The following SPOP variants were observed in gnomAD, a reference collection of about 807,000 sequenced individuals.
SPOP encodes the protein speckle-type POZ protein.
SPOP carries 11 observed loss-of-function variants against 45.6 expected under a neutral mutation model. The ratio of observed to expected loss-of-function variants is 0.24; its 90% confidence interval spans 0.15 to 0.40. The LOEUF (loss-of-function observed/expected upper bound fraction) is 0.40, where lower values mean the gene tolerates loss of function less well. SPOP is among the 10% of genes least tolerant of loss of function. SPOP has a pLI of 1.00. For missense variants in SPOP, 152 were observed against 465.6 expected (o/e 0.33, Z 6.20); for synonymous variants, 166 against 166.3 (o/e 1.00, Z 0.01).
rs148390886 is a variant in SPOP at position 49,629,579 on chromosome 17, G to A, written c.-66-6703C>T. 8.0e-4 allele frequency among the ~76,000 whole-genome samples: 121 copies of A among 152,164 alleles called. 1 individual carries two copies. The highest frequency in any genetic ancestry group is 1.3e-3 in the Non-Finnish European group (89 of 68,010). Reference sequence around the variant, plus strand: ...AGTAACTTATCTGAACTAAACTCTTGCATAATCAGAATTCTTTCAAGATAG... The same window carrying A: ...AGTAACTTATCTGAACTAAACTCTTACATAATCAGAATTCTTTCAAGATAG... On this transcript the variant is annotated intron_variant, in intron 1 of 9. Transcript: ENST00000504102.
chr17:49,641,679 A>G (rs1157349204), intron 1 of SPOP, among the ~76,000 whole-genome samples: 1 of 152,166 alleles, frequency 6.6e-6, no homozygotes, highest in Non-Finnish European at 1.5e-5. Flanking sequence ...TTAATGAGTC[A>G]GAGTTAAGAC....
intron 1 of SPOP, among the ~76,000 whole-genome samples, chr17:49,667,297 A>AC (rs1051778977): frequency 7.9e-5 from 12 of 151,594 alleles, no homozygotes; most frequent in Non-Finnish European, 1.2e-4. Context: ...GAGCCTTAAA[A>AC]AAAAAAAAAA....
intron 1 of SPOP, among the ~76,000 whole-genome samples, chr17:49,665,692 A>ACACACACACACACACACAC: frequency 7.1e-6 from 1 of 141,838 alleles, no homozygotes; most frequent in Non-Finnish European, 1.5e-5. Context: ...ACACACACAC[A>ACACACACACACACACACAC]CACCAATCTG....
intron 5 of SPOP, 66 bp downstream of exon 5, chr17:49,618,915 T>C: frequency 1.3e-6 from 2 of 1,531,548 alleles, no homozygotes; most frequent in South Asian, 2.5e-5. Context: ...TGATACAATA[T>C]AATTAAGTCT....
intron 1 of SPOP, among the ~76,000 whole-genome samples, chr17:49,649,442 CAGG>C (rs916571097): frequency 6.6e-6 from 1 of 152,020 alleles, no homozygotes; most frequent in African/African-American, 2.4e-5. Context: ...GAGGCTGAGG[CAGG>C]AGAATTGCTT....
chr17:49,652,440 C>G (rs762152451), intron 1 of SPOP, among the ~76,000 whole-genome samples: 1 of 152,134 alleles, frequency 6.6e-6, no homozygotes, highest in Non-Finnish European at 1.5e-5. Flanking sequence ...CCAATCTCAC[C>G]ATTACCAATG....
Position 49,599,609 on chromosome 17 carries a change from C to A in SPOP, c.*769G>T. The A allele has an allele frequency of 4.7e-6, 1 of 214,112 alleles. No individual in the cohort carries two copies. The highest frequency in any genetic ancestry group is 9.4e-6 in the Non-Finnish European group (1 of 106,116). The allele number at this position is 214,112 out of a possible 1,614,324, so 13.3% of individuals were successfully genotyped here. ...TTCCACAATATCTAAAAACAGAGAA[C>A]CATAGTTCTTGTCAAGACAATATGA... On this transcript the variant is annotated 3_prime_UTR_variant, in exon 10 of 10. Transcript: ENST00000504102.
chr17:49,656,039 T>G (rs2072908995), intron 1 of SPOP, among the ~76,000 whole-genome samples: 1 of 152,134 alleles, frequency 6.6e-6, no homozygotes, highest in Admixed American at 6.5e-5. Flanking sequence ...CTCGAACTCC[T>G]GACCTTAGGT....
chr17:49,663,635 C>G (rs187135740), intron 1 of SPOP, among the ~76,000 whole-genome samples: 1 of 152,322 alleles, frequency 6.6e-6, no homozygotes, highest in Non-Finnish European at 1.5e-5. Flanking sequence ...CTGCAAGATA[C>G]TCAAGTACAA....
rs918078750 is a variant in SPOP, at chr17:49,622,538, A to G, written c.78+195T>C. The G allele has an allele frequency of 4.5e-5, 27 of 593,850 alleles. 2 individuals are homozygous for G. The East Asian group carries it at 6.8e-4, about 15-fold the overall frequency. 36.8% of individuals were successfully genotyped at this position (593,850 alleles called of 1,614,324 possible). A position where few individuals can be genotyped will look rare whatever the true frequency, so the allele number is the denominator to read the frequency against. On this transcript the variant is annotated intron_variant, in intron 2 of 9. Transcript: ENST00000504102. ...TTCCCCCTTTCAACCTCCACTGAAA[A>G]ACACTAGCCTAGGGAATTTAGATTC... is the stretch of plus-strand genomic sequence containing the variant.
chr17:49,612,180 C>T (rs913102204), intron 5 of SPOP, among the ~76,000 whole-genome samples: 6 of 152,184 alleles, frequency 3.9e-5, no homozygotes, highest in East Asian at 1.9e-4. Context: ...CACTGCACCT[C>T]GCCAAATCTA....
At chr17:49,643,454 A>G (rs1217901846) in intron 1 of SPOP, among the ~76,000 whole-genome samples, 1 of 152,262 alleles carries the variant, frequency 6.6e-6, no homozygotes, top group Non-Finnish European at 1.5e-5. Flanking sequence ...AAATGTAATA[A>G]TTCTAATCAA....
Position 49,599,376 on chromosome 17 carries a change from G to T in SPOP, c.*1002C>A. On this transcript the variant is annotated 3_prime_UTR_variant, in exon 10 of 10. Transcript: ENST00000504102. ...GAAGAGGGGCTAGTCAGAAGGAACA[G>T]AACTGGCTCCTATGCAGGCGGCAAG... 8.9e-6 allele frequency: 2 copies of T among 225,594 alleles called. No homozygotes were observed. Among genetic ancestry groups the T allele is most frequent in the Middle Eastern group, 1.4e-3 (1 of 736 alleles). 14.0% of individuals were successfully genotyped at this position (225,594 alleles called of 1,614,324 possible).
intron 1 of SPOP, among the ~76,000 whole-genome samples, chr17:49,664,529 T>C (rs1352354968): frequency 6.6e-6 from 1 of 152,184 alleles, no homozygotes; most frequent in East Asian, 1.9e-4. Flanking sequence ...AAATATCAAT[T>C]TATATAACCC....
chr17:49,675,314 T>C (rs2073185130), intron 1 of SPOP, among the ~76,000 whole-genome samples: 1 of 152,226 alleles, frequency 6.6e-6, no homozygotes, highest in African/African-American at 2.4e-5. Flanking sequence ...CTGTATTTAC[T>C]ACATGGAATG....
intron 1 of SPOP, among the ~76,000 whole-genome samples, chr17:49,647,281 G>T (rs2072774015): frequency 7.9e-6 from 1 of 126,156 alleles, no homozygotes; most frequent in Admixed American, 9.8e-5. Context: ...CTGCACTCCA[G>T]CTTGGGCTAC....
intron 1 of SPOP, among the ~76,000 whole-genome samples, chr17:49,667,178 TAAAAAAA>T (rs36082208): frequency 9.7e-6 from 1 of 103,614 alleles, no homozygotes; most frequent in African/African-American, 4.0e-5. Flanking sequence ...AACGCTGTCT[TAAAAAAA>T]AAAAAAAAAA....
At chr17:49,637,137 C>T (rs545992745) in intron 1 of SPOP, among the ~76,000 whole-genome samples, 1 of 151,944 alleles carries the variant, frequency 6.6e-6, no homozygotes, top group African/African-American at 2.4e-5. Context: ...TGCTTGAACC[C>T]GGTGGAGGAG....
At chr17:49,676,501 G>A (rs1236555442) in intron 1 of SPOP, among the ~76,000 whole-genome samples, 6 of 152,170 alleles carry the variant, frequency 3.9e-5, no homozygotes, top group South Asian at 2.1e-4. Flanking sequence ...AACAGTGGCA[G>A]CCAAAAAAGC....
Sources: allele counts gnomAD v4.1 joint callset (sites outside exome capture counted in the v4.1 genomes callset), GRCh38; gene constraint gnomAD v4.1.1; transcripts MANE v1.5; gene names NCBI Gene and HGNC (gene_info 2026-07-23, HGNC 2026-07-21).